PLA2R1: variants seen among roughly 807,000 people sequenced by gnomAD.
PLA2R1 encodes the protein secretory phospholipase A2 receptor.
Under a neutral mutation model 195.9 loss-of-function variants are expected in PLA2R1, and 158 were observed. That is an observed-to-expected ratio of 0.81 (90% confidence interval 0.71 to 0.92). The LOEUF is 0.92. Ranked by LOEUF, PLA2R1 falls within the 40% of genes least tolerant of loss-of-function variation. The pLI is 0.00. For missense variants in PLA2R1, 1,626 were observed against 1,764.6 expected, an observed-to-expected ratio of 0.92 and a Z score of 1.41; for synonymous variants, 586 against 598.2, an observed-to-expected ratio of 0.98 and a Z score of 0.30.
chr2:159,983,063 C>A (rs1282464690), intron 13 of PLA2R1, among the ~76,000 whole-genome samples: 2 of 152,218 alleles, frequency 1.3e-5, no homozygotes, highest in East Asian at 1.9e-4. Flanking sequence ...GGGGGGCTCA[C>A]AGGAAGGAGA....
At chr2:159,996,682 T>C (rs1691234954) in intron 11 of PLA2R1, among the ~76,000 whole-genome samples, 1 of 152,114 alleles carries the variant, frequency 6.6e-6, no homozygotes, top group African/African-American at 2.4e-5. Context: ...TTACACAGTT[T>C]GAAGTTGTCC....
At position 160,050,363 on chromosome 2, in the gene PLA2R1, A is replaced by G. The variant is rs537024669; in HGVS notation, c.110-5206T>C. ...AAGACGGGTGTGGCAGAGGAGACTC[A>G]CTTCACCCATAAACCCTGAACCGTG... On this transcript the variant is annotated intron_variant, in intron 1 of 29. Transcript: ENST00000283243. Among the ~76,000 whole-genome samples, 100 of 152,314 alleles carry G rather than the reference A, an allele frequency of 6.6e-4. No homozygotes were observed. The South Asian group carries it at 0.017, about 26-fold the overall frequency.
chr2:160,062,604 A>C lies in PLA2R1; in HGVS notation c.-201T>G. 1.1e-6 allele frequency: 1 copy of C among 924,766 alleles called. No homozygotes were observed. Among genetic ancestry groups the C allele is most frequent in the Non-Finnish European group, 1.5e-6 (1 of 678,968 alleles). 57.3% of individuals were successfully genotyped at this position (924,766 alleles called of 1,614,324 possible). On this transcript the variant is annotated 5_prime_UTR_variant, in exon 1 of 30. Transcript: ENST00000283243. ...ACCGCTGTCTCCACAGTGAACCGAC[A>C]CTCGGGGCTCTGGGCTGGGATGCGG...
In PLA2R1 at chr2:160,021,821, G is replaced by A. The variant is rs1050663379; in HGVS notation, c.1294+844C>T. Among the ~76,000 whole-genome samples, 12 of 152,154 alleles carry A rather than the reference G, an allele frequency of 7.9e-5. No individual in the cohort carries two copies. In the East Asian group the frequency reaches 2.3e-3, roughly 29 times the overall value. On this transcript the variant is annotated intron_variant, in intron 7 of 29. Transcript: ENST00000283243. Reference sequence around the variant, plus strand: ...TCTTTTTTCTGCCATAGGAAAAAAGGAGCAAAACCTCTTAAAGGCATTGAA... The same window carrying A: ...TCTTTTTTCTGCCATAGGAAAAAAGAAGCAAAACCTCTTAAAGGCATTGAA...
intron 3 of PLA2R1, among the ~76,000 whole-genome samples, chr2:160,035,423 C>T (rs1484493890): frequency 6.6e-6 from 1 of 152,190 alleles, no homozygotes; most frequent in African/African-American, 2.4e-5. Flanking sequence ...GTATACTTAG[C>T]CCCTGTATCC....
rs762668938 is a variant in PLA2R1 at position 160,044,920 on chromosome 2, C to A, written c.347G>T (p.Arg116Leu). Residue 116 changes from arginine to leucine, a missense_variant, in exon 2 of 30, where the codon CGC becomes CTC. Coordinates refer to ENST00000283243, the MANE Select transcript of PLA2R1 (RefSeq NM_007366.5). ...GCCTGTGATCATCTTCCTGTTACAGCGCCACCGTAAGGAAACGAGGGTGGA... is the reference window on the plus strand; with the variant it reads ...GCCTGTGATCATCTTCCTGTTACAGAGCCACCGTAAGGAAACGAGGGTGGA... Reference protein sequence around the residue: ...CDSTLVSLRWRCNRKMITGPL... With the variant: ...CDSTLVSLRWLCNRKMITGPL... 1 of 1,614,076 alleles carries A rather than the reference C, an allele frequency of 6.2e-7. No homozygotes were observed. The highest frequency in any genetic ancestry group is 2.2e-5 in the East Asian group (1 of 44,882).
At chr2:159,960,199 A>G (rs554008805) in intron 20 of PLA2R1, among the ~76,000 whole-genome samples, 1 of 152,220 alleles carries the variant, frequency 6.6e-6, no homozygotes, top group South Asian at 2.1e-4. Flanking sequence ...TAGCACATGC[A>G]GCTCCCCCTA....
intron 1 of PLA2R1, among the ~76,000 whole-genome samples, chr2:160,052,639 T>C (rs1434570280): frequency 1.3e-5 from 2 of 152,172 alleles, no homozygotes; most frequent in Non-Finnish European, 2.9e-5. Flanking sequence ...GGGTGCCTCA[T>C]TACAAAGTGC....
rs1690419453 is a variant in PLA2R1, at chr2:159,987,295, T to C, written c.1898A>G (p.His633Arg). ...RHPLGRWEVK[H>R]CRHFKAMSLC... ...GGACATTGCCTTAAAGTGCCGACAG[T>C]GCTTCACTTCCCAGCGACCAAGTGG... The change falls in exon 12 of 30, where the codon CAC (histidine) becomes CGC (arginine). Residue 633 changes from histidine (H) to arginine (R), a missense_variant. His to Arg is a conservative substitution (Grantham distance 29). Coordinates refer to ENST00000283243, the MANE Select transcript of PLA2R1 (RefSeq NM_007366.5). The C allele has an allele frequency of 1.2e-6, 2 of 1,612,660 alleles. No homozygotes were observed. Among genetic ancestry groups the C allele is most frequent in the Admixed American group, 1.7e-5 (1 of 59,994 alleles).
chr2:159,976,022 A>T, intron 17 of PLA2R1, 46 bp downstream of exon 17: 5 of 1,334,508 alleles, frequency 3.7e-6, no homozygotes, highest in Non-Finnish European at 5.3e-6. Context: ...AGGGCAAAAG[A>T]AGGTGCTAAA....
chr2:160,040,090 C>T (rs1694430214), intron 3 of PLA2R1, among the ~76,000 whole-genome samples: 1 of 151,776 alleles, frequency 6.6e-6, no homozygotes. Flanking sequence ...AATAATATGA[C>T]AATAATAAAA....
intron 13 of PLA2R1, 91 bp from the exon 14 acceptor site, chr2:159,980,005 T>C (rs1574723156): frequency 1.4e-6 from 1 of 692,376 alleles, no homozygotes; most frequent in South Asian, 1.7e-5. Context: ...GGCACATGTA[T>C]ACACATGTAA....
At chr2:160,027,398 T>C (rs1693591005) in intron 6 of PLA2R1, among the ~76,000 whole-genome samples, 1 of 152,104 alleles carries the variant, frequency 6.6e-6, no homozygotes, top group African/African-American at 2.4e-5. Context: ...TTCAGCAAAT[T>C]CCTGAAATAA....
In PLA2R1 at chr2:160,044,929, A is replaced by C; in HGVS notation, c.338T>G (p.Leu113Ter). ...CATCTTCCTGTTACAGCGCCACCGT[A>C]AGGAAACGAGGGTGGAGTCACATTC... ...LYECDSTLVSLRWRCNRKMIT... is the reference protein window; with the variant it reads ...LYECDSTLVS The change falls in exon 2 of 30, where the codon TTA (leucine) becomes TGA (stop). Residue 113 changes from leucine to a stop codon, truncating the protein, a stop_gained. Coordinates refer to ENST00000283243, the MANE Select transcript of PLA2R1 (RefSeq NM_007366.5). LOFTEE classifies it high-confidence loss of function. The C allele has an allele frequency of 6.2e-7, 1 of 1,614,154 alleles. No homozygotes were observed. The highest frequency in any genetic ancestry group is 8.5e-7 in the Non-Finnish European group (1 of 1,180,012).
chr2:159,942,940 T>C (rs1687167716), intron 28 of PLA2R1, among the ~76,000 whole-genome samples: 1 of 151,530 alleles, frequency 6.6e-6, no homozygotes, highest in Non-Finnish European at 1.5e-5. Flanking sequence ...CTGTTACTAA[T>C]AGCAAAACCA....
rs1486424551 is a variant in PLA2R1 at position 160,013,751 on chromosome 2, G to GTGTGTC, written c.1552-377_1552-376insGACACA. ...TGTGTGTGTGTGTGTGTGTGTGTGT[G>GTGTGTC]TCTCTCTCTCTCTGACTTACAGAAT... On this transcript the variant is annotated intron_variant, in intron 9 of 29. Coordinates refer to ENST00000283243, the MANE Select transcript of PLA2R1 (RefSeq NM_007366.5). 1.8e-4 allele frequency among the ~76,000 whole-genome samples: 23 copies of GTGTGTC among 129,870 alleles called. No individual in the cohort carries two copies. The East Asian group carries it at 4.0e-3, about 23-fold the overall frequency. The allele number at this position is 129,870 out of a possible 152,430, so 85.2% of individuals were successfully genotyped here.
chr2:160,018,869 T>G (rs573422413), intron 8 of PLA2R1, among the ~76,000 whole-genome samples: 81 of 152,340 alleles, frequency 5.3e-4, no homozygotes, highest in Middle Eastern at 3.4e-3. Context: ...GCTTCCTGTT[T>G]TGCTGGCATA....
chr2:159,934,779 C>T lies in PLA2R1; in HGVS notation c.*6999G>A, dbSNP rs2125903857. The T allele has an allele frequency of 6.6e-6, 1 of 152,272 alleles. No homozygotes were observed. The highest frequency in any genetic ancestry group is 3.4e-3 in the Middle Eastern group (1 of 294). 9.4% of individuals were successfully genotyped at this position (152,272 alleles called of 1,614,324 possible). A position where few individuals can be genotyped will look rare whatever the true frequency, so the allele number is the denominator to read the frequency against. Reference sequence around the variant, plus strand: ...CCTCCTTCAGCTTCTTCTAATGGTACATCTCATAAAACCATGGTATAATCA... The same window carrying T: ...CCTCCTTCAGCTTCTTCTAATGGTATATCTCATAAAACCATGGTATAATCA... On this transcript the variant is annotated 3_prime_UTR_variant, in exon 30 of 30. Coordinates refer to ENST00000283243, the MANE Select transcript of PLA2R1 (RefSeq NM_007366.5).
chr2:160,021,782 AT>A (rs548780958), intron 7 of PLA2R1, among the ~76,000 whole-genome samples: 3 of 152,136 alleles, frequency 2.0e-5, no homozygotes, highest in Non-Finnish European at 4.4e-5. Context: ...TTTTTAAAGT[AT>A]TTTTTTCCTT....
Sources: allele counts gnomAD v4.1 joint callset (sites outside exome capture counted in the v4.1 genomes callset), GRCh38; gene constraint gnomAD v4.1.1; transcripts MANE v1.5; gene names NCBI Gene and HGNC (gene_info 2026-07-23, HGNC 2026-07-21).